Variants in L3MBTL4 observed in about 807,000 individuals in gnomAD.
L3MBTL4 encodes the protein L3MBTL histone methyl-lysine binding protein 4.
L3MBTL4 carries 70 observed loss-of-function variants against 84.5 expected under a neutral mutation model. The ratio of observed to expected loss-of-function variants is 0.83; its 90% CI spans 0.68 to 1.01. L3MBTL4 has a LOEUF of 1.01. L3MBTL4 is among the 50% of genes least tolerant of loss of function. The pLI is 0.00. For synonymous variants in L3MBTL4, 274 were observed against 259.8 expected, an observed-to-expected ratio of 1.05 and a Z score of -0.52; for missense variants, 715 against 754.8, an observed-to-expected ratio of 0.95 and a Z score of 0.62.
intron 13 of L3MBTL4, among the ~76,000 whole-genome samples, chr18:6,144,695 G>T (rs2144731877): frequency 6.6e-6 from 1 of 152,292 alleles, no homozygotes; most frequent in Middle Eastern, 3.4e-3. Flanking sequence ...TCTGGTCATG[G>T]TCACTTGAAA....
At chr18:6,252,576 T>C (rs2047972236) in intron 5 of L3MBTL4, among the ~76,000 whole-genome samples, 1 of 152,220 alleles carries the variant, frequency 6.6e-6, no homozygotes, top group Non-Finnish European at 1.5e-5. Context: ...TATACCCTTC[T>C]GTCTTGTTAA....
At chr18:6,381,026 GATACT>G (rs1231032386) in intron 1 of L3MBTL4, among the ~76,000 whole-genome samples, 1 of 152,120 alleles carries the variant, frequency 6.6e-6, no homozygotes, top group East Asian at 1.9e-4. Flanking sequence ...ATATATTTAG[GATACT>G]TAGCTCTTCT....
chr18:6,263,565 A>G (rs560702980), intron 5 of L3MBTL4, among the ~76,000 whole-genome samples: 57 of 152,330 alleles, frequency 3.7e-4, no homozygotes, highest in African/African-American at 1.3e-3. Context: ...CTCTAACTGC[A>G]GGTAATACTG....
intron 12 of L3MBTL4, among the ~76,000 whole-genome samples, chr18:6,205,186 G>A (rs2045820539): frequency 6.6e-6 from 1 of 152,132 alleles, no homozygotes; most frequent in Admixed American, 6.5e-5. Context: ...AAATAGGAGT[G>A]TCAGAGGCAG....
intron 16 of L3MBTL4, among the ~76,000 whole-genome samples, chr18:6,044,260 A>C (rs1036782252): frequency 2.0e-5 from 3 of 152,240 alleles, no homozygotes; most frequent in African/African-American, 7.2e-5. Flanking sequence ...AAGAACATTA[A>C]TATTGATATA....
intron 1 of L3MBTL4, chr18:6,395,700 A>C (rs1045826702): frequency 8.5e-5 from 13 of 152,328 alleles, no homozygotes; most frequent in African/African-American, 3.1e-4. Context: ...TAAACACTGC[A>C]AAAATGGAGA....
intron 1 of L3MBTL4, among the ~76,000 whole-genome samples, chr18:6,392,589 A>G (rs1177671999): frequency 6.6e-6 from 1 of 152,210 alleles, no homozygotes; most frequent in Non-Finnish European, 1.5e-5. Context: ...CTGAATAGCC[A>G]CATGTAGAAG....
At chr18:6,036,908 C>G (rs1217484985) in intron 16 of L3MBTL4, among the ~76,000 whole-genome samples, 1 of 152,168 alleles carries the variant, frequency 6.6e-6, no homozygotes, top group African/African-American at 2.4e-5. Context: ...TCTAACTTCT[C>G]CATACACATG....
intron 12 of L3MBTL4, among the ~76,000 whole-genome samples, chr18:6,179,578 C>T (rs2044375335): frequency 6.6e-6 from 1 of 152,164 alleles, no homozygotes; most frequent in South Asian, 2.1e-4. Flanking sequence ...TTACAGAATA[C>T]TATCATAATC....
intron 16 of L3MBTL4, among the ~76,000 whole-genome samples, chr18:6,012,436 G>T (rs1260753083): frequency 6.6e-6 from 1 of 151,958 alleles, no homozygotes; most frequent in East Asian, 1.9e-4. Flanking sequence ...ACAAACATCA[G>T]ATTTTAATGT....
chr18:6,080,479 T>C lies in L3MBTL4; in HGVS notation c.1444+402A>G, dbSNP rs571573844. On this transcript the variant is annotated intron_variant, in intron 16 of 18. Coordinates refer to ENST00000317931, the MANE Select transcript of L3MBTL4 (RefSeq NM_001330559.2). ...GGTTTAATTTTTTGCCTAATACTCTTCTAGCCTTTCTTACTAATGAGGTGC... is the reference window on the plus strand; with the variant it reads ...GGTTTAATTTTTTGCCTAATACTCTCCTAGCCTTTCTTACTAATGAGGTGC... Among the ~76,000 whole-genome samples, 3 of 152,328 alleles carry C rather than the reference T, an allele frequency of 2.0e-5. No individual in the cohort carries two copies. The East Asian group carries it at 5.8e-4, about 29-fold the overall frequency.
chr18:6,345,965 A>G (rs1362353183), intron 1 of L3MBTL4, among the ~76,000 whole-genome samples: 1 of 142,618 alleles, frequency 7.0e-6, no homozygotes, highest in Non-Finnish European at 1.5e-5. Context: ...TAGTAGCATA[A>G]AAACAGATAT....
intron 4 of L3MBTL4, among the ~76,000 whole-genome samples, chr18:6,272,975 C>T (rs113168378): frequency 0.012 from 187 of 16,182 alleles, no homozygotes; most frequent in African/African-American, 0.043. Flanking sequence ...TTCAGGAGCA[C>T]GGGGAAAGGG....
At chr18:6,204,872 T>TGG (rs1197297472) in intron 12 of L3MBTL4, among the ~76,000 whole-genome samples, 2 of 152,256 alleles carry the variant, frequency 1.3e-5, no homozygotes, top group Non-Finnish European at 2.9e-5. Flanking sequence ...CCACAGCTCC[T>TGG]GGGATGGTCT....
chr18:6,113,706 C>T (rs949307520), intron 14 of L3MBTL4, among the ~76,000 whole-genome samples: 2 of 152,324 alleles, frequency 1.3e-5, no homozygotes, highest in Middle Eastern at 3.4e-3. Context: ...CTCTACTCCA[C>T]TCCTAGGGTG....
intron 12 of L3MBTL4, among the ~76,000 whole-genome samples, chr18:6,175,612 G>A (rs968845747): frequency 1.3e-5 from 2 of 152,140 alleles, no homozygotes; most frequent in African/African-American, 4.8e-5. Flanking sequence ...AGTGGATACA[G>A]AAAAAGTATT....
At chr18:6,109,686 C>T (rs189189291) in intron 14 of L3MBTL4, among the ~76,000 whole-genome samples, 130 of 152,208 alleles carry the variant, frequency 8.5e-4, no homozygotes, top group African/African-American at 2.9e-3. Flanking sequence ...GAGCTCACAG[C>T]CCCCTTGGAA....
rs150654922 is a variant in L3MBTL4 at position 6,373,638 on chromosome 18, A to G, written c.-91+41163T>C. ...CCAGTGTTGGCAAAGCAAACTCTCA[A>G]TTAAACAGATTATGCACCGTACAAA... On this transcript the variant is annotated intron_variant, in intron 1 of 18. Transcript: ENST00000317931. 1.4e-3 allele frequency among the ~76,000 whole-genome samples: 217 copies of G among 152,286 alleles called. 1 individual carries two copies. The highest frequency in any genetic ancestry group is 2.4e-3 in the Non-Finnish European group (161 of 68,022).
At chr18:6,000,986 G>T (rs2054185935) in intron 16 of L3MBTL4, among the ~76,000 whole-genome samples, 1 of 152,158 alleles carries the variant, frequency 6.6e-6, no homozygotes. Flanking sequence ...TTAGATGGTG[G>T]TAAATCATGG....
Sources: allele counts gnomAD v4.1 joint callset (sites outside exome capture counted in the v4.1 genomes callset), GRCh38; gene constraint gnomAD v4.1.1; transcripts MANE v1.5; gene names NCBI Gene and HGNC (gene_info 2026-07-23, HGNC 2026-07-21).